The following EEF1A1 variants were observed in gnomAD, a reference collection of about 807,000 sequenced individuals.
EEF1A1 encodes the protein elongation factor 1-alpha 1.
EEF1A1 carries 1 observed loss-of-function variant against 38.5 expected under a neutral mutation model. The observed-to-expected ratio is 0.03, with a 90% confidence interval of 0.01 to 0.12. The LOEUF is 0.12. Ranked by LOEUF, EEF1A1 falls within the 10% of genes least tolerant of loss-of-function variation. The pLI is 1.00. For missense variants in EEF1A1, 184 were observed against 588.3 expected (o/e 0.31, Z 7.11); for synonymous variants, 229 against 203.7 (o/e 1.12, Z -1.06).
chr6:73,516,045 A>G lies in EEF1A1; in HGVS notation c.*1765T>C, dbSNP rs991053459. ...TTACCTGTTTTTTCTGTCATCCAGC[A>G]AATCTTAGACTATTTACTTGTGTAA... On this transcript the variant is annotated 3_prime_UTR_variant, in exon 8 of 8. Coordinates refer to ENST00000309268, the MANE Select transcript of EEF1A1 (RefSeq NM_001402.6). 6.6e-6 allele frequency: 1 copy of G among 152,256 alleles called. No individual in the cohort carries two copies. Among genetic ancestry groups the G allele is most frequent in the African/African-American group, 2.4e-5 (1 of 41,468 alleles). 9.4% of individuals were successfully genotyped at this position (152,256 alleles called of 1,614,324 possible). A position where few individuals can be genotyped will look rare whatever the true frequency, so the allele number is the denominator to read the frequency against.
intron 2 of EEF1A1, 104 bp downstream of exon 2, chr6:73,519,778 TA>T: frequency 6.7e-7 from 1 of 1,496,464 alleles, no homozygotes; most frequent in Non-Finnish European, 9.0e-7. Context: ...TCTTAACTAT[TA>T]GCATTCAGAT....
In EEF1A1 at chr6:73,519,245, G is replaced by C. The variant is rs773424255; in HGVS notation, c.325-17C>G. On this transcript the variant is annotated splice_polypyrimidine_tract_variant and intron_variant, in intron 3 of 7. Coordinates refer to ENST00000309268, the MANE Select transcript of EEF1A1 (RefSeq NM_001402.6). ...ACAGTCAGCCTTTAAAGAAAGCAAA[G>C]ACATATCCCTGTCAACTCTCCAAAT... 1.2e-6 allele frequency: 2 copies of C among 1,607,142 alleles called. No homozygotes were observed.
At position 73,519,776 on chromosome 6, in the gene EEF1A1, A is replaced by G. The variant is rs563404109; in HGVS notation, c.144+107T>C. On this transcript the variant is annotated intron_variant, in intron 2 of 7. Transcript: ENST00000309268. The stretch of plus-strand genomic sequence containing the variant: ...TTATTTCATAAGTAAGGTCTTAACT[A>G]TTAGCATTCAGATCTAAACCACTCA... 133 of 1,489,570 alleles carry G rather than the reference A, an allele frequency of 8.9e-5. 2 individuals are homozygous for G. The South Asian group carries it at 1.6e-3, about 18-fold the overall frequency. 92.3% of individuals were successfully genotyped at this position (1,489,570 alleles called of 1,614,324 possible).
At position 73,518,423 on chromosome 6, in the gene EEF1A1, A is replaced by T. The variant is rs1220455670; in HGVS notation, c.960T>A (p.Val320=). 1 of 1,613,770 alleles carries T rather than the reference A, an allele frequency of 6.2e-7. No homozygotes were observed. The highest frequency in any genetic ancestry group is 8.5e-7 in the Non-Finnish European group (1 of 1,179,984). Reference sequence around the variant, plus strand: ...TGTCACCAGCAACGTTGCCACGACGAACATCCTTGACAGACACATTCTTGA... The same window carrying T: ...TGTCACCAGCAACGTTGCCACGACGTACATCCTTGACAGACACATTCTTGA... The part of the protein sequence containing the change: ...FNVKNVSVKD[V]RRGNVAGDSK... Residue 320 remains valine (V), a synonymous_variant, in exon 6 of 8, where the codon GTT becomes GTA. Transcript: ENST00000309268.
In EEF1A1 at chr6:73,518,451, T is replaced by C. The variant is rs749364818; in HGVS notation, c.932A>G (p.Asn311Ser). ...ATCCTTGACAGACACATTCTTGACA[T>C]TGAAGCCCACATTGTCCCCAGGAAG... ...EALPGDNVGF[N>S]VKNVSVKDVR... The change falls in exon 6 of 8, where the codon AAT becomes AGT. Residue 311 changes from asparagine (N) to serine (S), a missense_variant. This residue lies in a region of EEF1A1 where 81 missense variants were observed against 286.3 expected (regional missense o/e 0.28). Transcript: ENST00000309268. The C allele has an allele frequency of 8.1e-6, 13 of 1,613,736 alleles. No individual in the cohort carries two copies. The highest frequency in any genetic ancestry group is 1.3e-5 in the African/African-American group (1 of 74,906).
chr6:73,520,457 C>G (rs1483037104), intron 1 of EEF1A1: 2 of 160,016 alleles, frequency 1.2e-5, no homozygotes, highest in African/African-American at 2.4e-5. Flanking sequence ...TGGTGCCGAC[C>G]GGGCCAGCCT....
chr6:73,519,551 AAC>A (rs1246962343), intron 2 of EEF1A1, 35 bp from the exon 3 acceptor site: 20 of 1,552,520 alleles, frequency 1.3e-5, no homozygotes, highest in South Asian at 7.0e-5. Context: ...TGGTTACTAA[AAC>A]ACAAACTCCA....
chr6:73,519,780 G>A (rs1378015925), intron 2 of EEF1A1, 103 bp downstream of exon 2: 4 of 1,497,102 alleles, frequency 2.7e-6, no homozygotes, highest in South Asian at 1.3e-5. Flanking sequence ...TTAACTATTA[G>A]CATTCAGATC....
chr6:73,517,993 T>C (rs1317966945), intron 7 of EEF1A1, 37 bp downstream of exon 7: 3 of 1,611,744 alleles, frequency 1.9e-6, no homozygotes, highest in Non-Finnish European at 2.5e-6. Context: ...TTTTCATCTT[T>C]AACACAACTT....
At position 73,516,630 on chromosome 6, in the gene EEF1A1, CTTTAAT is replaced by C. The variant is rs1765521512; in HGVS notation, c.*1174_*1179del. Reference sequence around the variant, plus strand: ...CCATCACACAAACAGAAAGCATGTCCTTTAATTTTACCTATCCTTCAAACTTAAGCA... The same window carrying C: ...CCATCACACAAACAGAAAGCATGTCCTTTACCTATCCTTCAAACTTAAGCA... On this transcript the variant is annotated 3_prime_UTR_variant, in exon 8 of 8. Coordinates refer to ENST00000309268, the MANE Select transcript of EEF1A1 (RefSeq NM_001402.6). 1 of 151,946 alleles carries C rather than the reference CTTTAAT, an allele frequency of 6.6e-6. No homozygotes were observed. The highest frequency in any genetic ancestry group is 1.9e-4 in the East Asian group (1 of 5,182). The allele number at this position is 151,946 out of a possible 1,614,324, so 9.4% of individuals were successfully genotyped here.
chr6:73,516,808 G>A lies in EEF1A1; in HGVS notation c.*1002C>T, dbSNP rs1765528061. ...CAAATGCTTAAAGATTCAGGAGTAA[G>A]TGGGCTATTACACCTGTTAAGCCTA... On this transcript the variant is annotated 3_prime_UTR_variant, in exon 8 of 8. Transcript: ENST00000309268. The A allele has an allele frequency of 6.6e-6, 1 of 152,190 alleles. No homozygotes were observed. The highest frequency in any genetic ancestry group is 6.5e-5 in the Admixed American group (1 of 15,280). 9.4% of individuals were successfully genotyped at this position (152,190 alleles called of 1,614,324 possible).
chr6:73,520,048 T>C lies in EEF1A1; in HGVS notation c.-22A>G, dbSNP rs756034816. On this transcript the variant is annotated 5_prime_UTR_variant, in exon 2 of 8. Transcript: ENST00000309268. ...CCATTTTGGCTTTTAGGGGTAGTTTTCACGACACCTGAAATGGAAGAAAAA... is the reference window on the plus strand; with the variant it reads ...CCATTTTGGCTTTTAGGGGTAGTTTCCACGACACCTGAAATGGAAGAAAAA... 3.8e-6 allele frequency: 6 copies of C among 1,586,334 alleles called. No individual in the cohort carries two copies. In the Admixed American group the frequency reaches 7.1e-5, roughly 19 times the overall value.
intron 2 of EEF1A1, 112 bp downstream of exon 2, chr6:73,519,771 T>G: frequency 6.8e-7 from 1 of 1,473,128 alleles, no homozygotes; most frequent in Non-Finnish European, 9.1e-7. Context: ...AGTAAGGTCT[T>G]AACTATTAGC....
rs777068548 is a variant in EEF1A1 at position 73,518,241 on chromosome 6, G to A, written c.1053C>T (p.Gly351=). Residue 351 remains glycine, a synonymous_variant, in exon 7 of 8, where the codon GGC becomes GGT. Transcript: ENST00000309268. ...TAQVIILNHP[G]QISAGYAPVL... Reference sequence around the variant, plus strand: ...CAGGGGCATAGCCGGCGCTTATTTGGCCTGGATGGTTCAGGATAATCACCT... The same window carrying A: ...CAGGGGCATAGCCGGCGCTTATTTGACCTGGATGGTTCAGGATAATCACCT... The A allele has an allele frequency of 1.2e-6, 2 of 1,614,056 alleles. No homozygotes were observed. The highest frequency in any genetic ancestry group is 2.7e-5 in the African/African-American group (2 of 74,932).
chr6:73,518,438 C>G lies in EEF1A1; in HGVS notation c.945G>C (p.Val315=), dbSNP rs748584832. The change falls in exon 6 of 8, where the codon GTG becomes GTC. Residue 315 remains valine (V), a synonymous_variant. Transcript: ENST00000309268. Reference sequence around the variant, plus strand: ...TGCCACGACGAACATCCTTGACAGACACATTCTTGACATTGAAGCCCACAT... The same window carrying G: ...TGCCACGACGAACATCCTTGACAGAGACATTCTTGACATTGAAGCCCACAT... ...GDNVGFNVKN[V]SVKDVRRGNV... 6.2e-7 allele frequency: 1 copy of G among 1,613,828 alleles called. No individual in the cohort carries two copies. Among genetic ancestry groups the G allele is most frequent in the Non-Finnish European group, 8.5e-7 (1 of 1,179,938 alleles).
chr6:73,516,687 A>G lies in EEF1A1; in HGVS notation c.*1123T>C, dbSNP rs867650994. 6.6e-6 allele frequency: 1 copy of G among 152,150 alleles called. No homozygotes were observed. The highest frequency in any genetic ancestry group is 3.4e-3 in the Middle Eastern group (1 of 294). 9.4% of individuals were successfully genotyped at this position (152,150 alleles called of 1,614,324 possible). ...AAAATTTTCCTTTTATAACCAAAAA[A>G]AAACCTTTAGACACTTTTACATATG... On this transcript the variant is annotated 3_prime_UTR_variant, in exon 8 of 8. Coordinates refer to ENST00000309268, the MANE Select transcript of EEF1A1 (RefSeq NM_001402.6).
chr6:73,517,939 TAA>T lies in EEF1A1; in HGVS notation c.1265-7_1265-6del, dbSNP rs530302960. The T allele has an allele frequency of 1.4e-5, 22 of 1,610,686 alleles. No homozygotes were observed. Among genetic ancestry groups the T allele is most frequent in the African/African-American group, 5.4e-5 (4 of 74,486 alleles). ...TATCACGAACAGCAAAGCGACCTAT[TAA>T]AAAAAAAGTTAATTATTACCCAAAG... On this transcript the variant is annotated splice_region_variant and splice_polypyrimidine_tract_variant and intron_variant, in intron 7 of 7. Coordinates refer to ENST00000309268, the MANE Select transcript of EEF1A1 (RefSeq NM_001402.6).
At chr6:73,519,771 TAAC>T in intron 2 of EEF1A1, 109 bp downstream of exon 2, 2 of 1,473,128 alleles carry the variant, frequency 1.4e-6, no homozygotes, top group South Asian at 2.6e-5. Context: ...AGTAAGGTCT[TAAC>T]TATTAGCATT....
rs1765571634 is a variant in EEF1A1, at chr6:73,518,276, G to A, written c.1030-12C>T. On this transcript the variant is annotated splice_polypyrimidine_tract_variant and intron_variant, in intron 6 of 7. Transcript: ENST00000309268. ...TTCAGGATAATCACCTTGGAAAAAA[G>A]ATTTGCATTCAGTGCAAATCCAAAG... The A allele has an allele frequency of 1.2e-6, 2 of 1,611,332 alleles. No homozygotes were observed. Among genetic ancestry groups the A allele is most frequent in the Non-Finnish European group, 1.7e-6 (2 of 1,178,250 alleles).
Sources: gnomAD v4.1 joint callset for allele counts on GRCh38, gnomAD v4.1.1 for gene constraint, gnomAD v4.1.1 regional missense constraint, MANE v1.5 for transcripts, NCBI Gene and HGNC (gene_info 2026-07-23, HGNC 2026-07-21) for gene names.